Variants in ADAP1 observed in about 807,000 individuals in gnomAD.
The protein encoded by ADAP1 is ArfGAP with dual PH domains 1.
ADAP1 carries 31 observed loss-of-function variants against 54.9 expected under a neutral mutation model. The ratio of observed to expected loss-of-function variants is 0.56; its 90% CI spans 0.42 to 0.76. ADAP1 has a LOEUF of 0.76. ADAP1 is among the 30% of genes least tolerant of loss of function. ADAP1 has a pLI of 0.00. For synonymous variants in ADAP1, 313 were observed against 202.6 expected (o/e 1.55, Z -4.63); for missense variants, 535 against 512.4 (o/e 1.04, Z -0.42).
intron 1 of ADAP1, among the ~76,000 whole-genome samples, chr7:953,897 G>C (rs1847325890): frequency 2.0e-5 from 3 of 152,260 alleles, no homozygotes; most frequent in South Asian, 2.1e-4. Context: ...GCAGGGAGCC[G>C]GGGGCAGGGG....
chr7:939,486 G>T (rs556059187), intron 1 of ADAP1, among the ~76,000 whole-genome samples: 1 of 151,968 alleles, frequency 6.6e-6, no homozygotes, highest in African/African-American at 2.4e-5. Context: ...ACAAAGTGCT[G>T]GGATTACAGG....
Position 905,292 on chromosome 7 carries a change from C to CACGGACAGGGGGAG in ADAP1, c.389-134_389-121dup, listed in dbSNP as rs1357935006. The CACGGACAGGGGGAG allele has an allele frequency of 1.2e-4, 34 of 277,880 alleles. 2 individuals are homozygous for CACGGACAGGGGGAG. The highest frequency in any genetic ancestry group is 5.7e-4 in the Middle Eastern group (1 of 1,754). The allele number at this position is 277,880 out of a possible 1,614,324, so 17.2% of individuals were successfully genotyped here. A position where few individuals can be genotyped will look rare whatever the true frequency, so the allele number is the denominator to read the frequency against. On this transcript the variant is annotated intron_variant, in intron 4 of 10. Coordinates refer to ENST00000265846, the MANE Select transcript of ADAP1 (RefSeq NM_006869.4). ...AGACACGGGGGACACGGACGGGGGACACGGACAGGGGGAGACGGACGGGGA... is the reference window on the plus strand; with the variant it reads ...AGACACGGGGGACACGGACGGGGGACACGGACAGGGGGAGACGGACAGGGGGAGACGGACGGGGA...
intron 2 of ADAP1, among the ~76,000 whole-genome samples, chr7:929,120 C>T (rs973098475): frequency 8.6e-5 from 13 of 151,974 alleles, no homozygotes; most frequent in Non-Finnish European, 1.3e-4. Flanking sequence ...GGTGAGACCC[C>T]GTCTCTACTG....
chr7:904,939 C>T (rs998598007), intron 5 of ADAP1, 121 bp downstream of exon 5: 42 of 841,036 alleles, frequency 5.0e-5, no homozygotes, highest in Non-Finnish European at 8.0e-5. Flanking sequence ...TGGAGCGTCC[C>T]CATCGGGGGG....
chr7:903,650 G>T (rs1844933100), intron 6 of ADAP1, among the ~76,000 whole-genome samples: 1 of 152,052 alleles, frequency 6.6e-6, no homozygotes, highest in Non-Finnish European at 1.5e-5. Flanking sequence ...AGAGATGCGG[G>T]GTACACCCAC....
At chr7:906,611 GAAAGGGA>G (rs1845386603) in intron 4 of ADAP1, among the ~76,000 whole-genome samples, 2 of 27,430 alleles carry the variant, frequency 7.3e-5, no homozygotes, top group Non-Finnish European at 5.6e-5. Context: ...GAGAAAGGGA[GAAAGGGA>G]AAGGAGAAAG....
chr7:926,889 A>G lies in ADAP1; in HGVS notation c.214-245T>C. On this transcript the variant is annotated intron_variant, in intron 2 of 10. Coordinates refer to ENST00000265846, the MANE Select transcript of ADAP1 (RefSeq NM_006869.4). The surrounding 1 kb of genome is among the most constrained non-coding windows in gnomAD (Gnocchi z 4.6). ...GACGGGGTCCCGGCAAAGGGGGCCC[A>G]GGGGCCAGGCCCCTTTTGAGGATGG... is the stretch of plus-strand genomic sequence containing the variant. The G allele has an allele frequency of 9.9e-7, 1 of 1,011,370 alleles. No homozygotes were observed. Among genetic ancestry groups the G allele is most frequent in the Non-Finnish European group, 1.4e-6 (1 of 738,318 alleles). The allele number at this position is 1,011,370 out of a possible 1,614,324, so 62.6% of individuals were successfully genotyped here.
At position 912,562 on chromosome 7, in the gene ADAP1, G is replaced by A. The variant is rs193294977; in HGVS notation, c.389-7390C>T. ...GCCACAGCGACGCACCTTCCGCTAC[G>A]CACCGACACCAAGGGCTTCTCCCCC... On this transcript the variant is annotated intron_variant, in intron 4 of 10. Transcript: ENST00000265846. 7.2e-5 allele frequency among the ~76,000 whole-genome samples: 11 copies of A among 152,310 alleles called. No individual in the cohort carries two copies. The East Asian group carries it at 1.5e-3, about 21-fold the overall frequency.
rs539189715 is a variant in ADAP1, at chr7:920,322, G to A, written c.306-272C>T. ...TTCTGCACAAGCGTTCCCGGTGGAC[G>A]GGCTGGTGCCTCCCCTCTCCTTCCC... On this transcript the variant is annotated intron_variant, in intron 3 of 10. Transcript: ENST00000265846. This position sits in a 1 kb window ranked among gnomAD's most constrained non-coding sequence, Gnocchi z 4.5. 3.9e-5 allele frequency among the ~76,000 whole-genome samples: 6 copies of A among 152,234 alleles called. No homozygotes were observed. The highest frequency in any genetic ancestry group is 7.2e-5 in the African/African-American group (3 of 41,536).
intron 6 of ADAP1, 45 bp from the exon 7 acceptor site, chr7:900,661 C>CGCTGGGGTCCCCACAGAGGG (rs370725753): frequency 0.047 from 66,998 of 1,435,128 alleles, 5,494 homozygotes; most frequent in East Asian, 0.26. Flanking sequence ...GAGGCTGCAG[C>CGCTGGGGTCCCCACAGAGGG]GCTGGGGTCC....
At chr7:924,980 C>T (rs1041788327) in intron 3 of ADAP1, among the ~76,000 whole-genome samples, 5 of 151,936 alleles carry the variant, frequency 3.3e-5, no homozygotes, top group Admixed American at 2.0e-4. Flanking sequence ...AATGAGAGTA[C>T]GGGGGGCCAG....
Position 938,484 on chromosome 7 carries a change from C to T in ADAP1, c.83-2979G>A, listed in dbSNP as rs1846845752. Among the ~76,000 whole-genome samples, 1 of 152,120 alleles carries T rather than the reference C, an allele frequency of 6.6e-6. No individual in the cohort carries two copies. The highest frequency in any genetic ancestry group is 1.5e-5 in the Non-Finnish European group (1 of 68,028). On this transcript the variant is annotated intron_variant, in intron 1 of 10. Transcript: ENST00000265846. This position sits in a 1 kb window ranked among gnomAD's most constrained non-coding sequence, Gnocchi z 4.4. ...GATGTGTGACGCCGTGTCTGGCCTG[C>T]AAAGTATTTAGTTACACACACCCCT...
intron 4 of ADAP1, among the ~76,000 whole-genome samples, chr7:915,342 C>A (rs987803082): frequency 6.6e-6 from 1 of 152,208 alleles, no homozygotes; most frequent in South Asian, 2.1e-4. Context: ...TCCTCACACC[C>A]ATCCAGGGGA....
At chr7:914,006 T>C (rs1029138367) in intron 4 of ADAP1, among the ~76,000 whole-genome samples, 6 of 152,040 alleles carry the variant, frequency 3.9e-5, no homozygotes, top group African/African-American at 1.4e-4. Flanking sequence ...AGGGATGGAG[T>C]GGGGCTCCGC....
rs1456206270 is a variant in ADAP1, at chr7:921,009, C to G, written c.306-959G>C. On this transcript the variant is annotated intron_variant, in intron 3 of 10. Transcript: ENST00000265846. ...TGGGTGATGGGTCCCAGCTGGGTCT[C>G]TGGCCCCTGGCCCCAGGTGTGTGTG... 7 of 688,140 alleles carry G rather than the reference C, an allele frequency of 1.0e-5. No homozygotes were observed. The East Asian group carries it at 1.9e-4, about 19-fold the overall frequency. The allele number at this position is 688,140 out of a possible 1,614,324, so 42.6% of individuals were successfully genotyped here. A position where few individuals can be genotyped will look rare whatever the true frequency, so the allele number is the denominator to read the frequency against.
intron 3 of ADAP1, among the ~76,000 whole-genome samples, chr7:925,358 A>C (rs543236923): frequency 4.0e-4 from 31 of 77,076 alleles, no homozygotes; most frequent in African/African-American, 1.8e-3. Flanking sequence ...CCGTCTCTAT[A>C]TTTAAAAAAA....
At chr7:955,208 C>T, upstream of ADAP1, 1 of 1,233,448 alleles carries the variant, frequency 8.1e-7, no homozygotes, top group East Asian at 2.6e-5. Flanking sequence ...CTCTGGGCAC[C>T]CCTCCCACTC....
intron 2 of ADAP1, 148 bp downstream of exon 2, chr7:935,227 G>A (rs1323590227): frequency 2.0e-5 from 22 of 1,118,408 alleles, no homozygotes; most frequent in East Asian, 1.1e-4. Context: ...GAGAGGGGGC[G>A]GGGTCCTCGG....
chr7:942,310 A>AAGGG (rs368241576), intron 1 of ADAP1, among the ~76,000 whole-genome samples: 2 of 134,900 alleles, frequency 1.5e-5, no homozygotes, highest in African/African-American at 5.5e-5. Context: ...GAGGAGGAGG[A>AAGGG]AGAGAGGAGG....
Sources: gnomAD v4.1 joint callset for allele counts (sites outside exome capture counted in the v4.1 genomes callset) on GRCh38, gnomAD v4.1.1 for gene constraint, Gnocchi (gnomAD v3.1) non-coding constraint, MANE v1.5 for transcripts, NCBI Gene and HGNC (gene_info 2026-07-23, HGNC 2026-07-21) for gene names.